PDE7A: variants seen among roughly 807,000 people sequenced by gnomAD.
PDE7A encodes phosphodiesterase 7A.
Under a neutral mutation model 64.3 loss-of-function variants are expected in PDE7A, and 39 were observed. That is an observed-to-expected ratio of 0.61 (90% CI 0.47 to 0.79). PDE7A has a LOEUF of 0.79. PDE7A is among the 30% of genes least tolerant of loss of function. The pLI, the probability that PDE7A is intolerant of heterozygous loss-of-function variation, is 0.00. For missense variants in PDE7A, 470 were observed against 582.8 expected, an observed-to-expected ratio of 0.81 and a Z score of 1.99; for synonymous variants, 203 against 206.8, an observed-to-expected ratio of 0.98 and a Z score of 0.16.
At position 65,717,291 on chromosome 8, in the gene PDE7A, G is replaced by A. The variant is rs1262224571; in HGVS notation, c.*1999C>T. ...TGGACCTGGGAAGATATAGGGAATG[G>A]CACAGTGGTACCTTGTTTACAACTG... On this transcript the variant is annotated 3_prime_UTR_variant, in exon 13 of 13. Coordinates refer to ENST00000401827, the MANE Select transcript of PDE7A (RefSeq NM_001242318.3). Among the ~76,000 whole-genome samples, 1 of 152,200 alleles carries A rather than the reference G, an allele frequency of 6.6e-6. No individual in the cohort carries two copies.
rs1319317702 is a variant in PDE7A, at chr8:65,841,520, G to A, written c.-12C>T. 1 of 1,470,602 alleles carries A rather than the reference G, an allele frequency of 6.8e-7. No individual in the cohort carries two copies. The highest frequency in any genetic ancestry group is 9.0e-7 in the Non-Finnish European group (1 of 1,115,954). The allele number at this position is 1,470,602 out of a possible 1,614,324, so 91.1% of individuals were successfully genotyped here. ...TAACACACTTCCATTGAATACGCCC[G>A]CCCTGCCTCCGCGCGGCGCCCGCCC... On this transcript the variant is annotated 5_prime_UTR_variant, in exon 1 of 13. Transcript: ENST00000401827.
At chr8:65,747,516 A>G (rs1268991314) in intron 4 of PDE7A, 136 bp downstream of exon 4, 4 of 510,794 alleles carry the variant, frequency 7.8e-6, no homozygotes, top group Admixed American at 4.0e-5. Flanking sequence ...GCTCTAAAGA[A>G]AAAAACCTGG....
chr8:65,735,241 C>T (rs996185586), intron 6 of PDE7A, among the ~76,000 whole-genome samples: 7 of 152,084 alleles, frequency 4.6e-5, no homozygotes, highest in South Asian at 2.1e-4. Flanking sequence ...GCCGAGTGAG[C>T]GGGACAGACC....
intron 1 of PDE7A, among the ~76,000 whole-genome samples, chr8:65,804,599 G>A (rs1054583188): frequency 8.2e-5 from 12 of 146,524 alleles, no homozygotes; most frequent in Non-Finnish European, 1.0e-4. Flanking sequence ...GTGCAGTGGC[G>A]CAACATCAGC....
At chr8:65,743,137 T>C (rs970433041) in intron 5 of PDE7A, among the ~76,000 whole-genome samples, 1 of 152,272 alleles carries the variant, frequency 6.6e-6, no homozygotes, top group South Asian at 2.1e-4. Context: ...TGAGAGTTTA[T>C]GTAAGGCTAA....
intron 3 of PDE7A, among the ~76,000 whole-genome samples, chr8:65,757,645 G>C (rs1563491483): frequency 6.6e-6 from 1 of 152,110 alleles, no homozygotes; most frequent in Non-Finnish European, 1.5e-5. Context: ...TTAAGACTGA[G>C]TCTCGCTCTG....
chr8:65,749,830 ATTGT>A (rs1807853035), intron 3 of PDE7A, among the ~76,000 whole-genome samples: 1 of 152,216 alleles, frequency 6.6e-6, no homozygotes. Flanking sequence ...TTTCTACAGT[ATTGT>A]TTATTTACTG....
chr8:65,806,094 A>G (rs1810101323), intron 1 of PDE7A, among the ~76,000 whole-genome samples: 2 of 152,228 alleles, frequency 1.3e-5, no homozygotes, highest in South Asian at 4.1e-4. Context: ...AGCATTGTTT[A>G]TAATAGTGAA....
intron 1 of PDE7A, among the ~76,000 whole-genome samples, chr8:65,805,019 T>A (rs185436485): frequency 4.6e-5 from 7 of 151,856 alleles, no homozygotes; most frequent in African/African-American, 7.2e-5. Flanking sequence ...TTTGAAAAAA[T>A]TTTTGGTAGA....
Position 65,735,087 on chromosome 8 carries a change from T to C in PDE7A, c.596-193A>G, listed in dbSNP as rs571106937. Among the ~76,000 whole-genome samples, 3 of 152,326 alleles carry C rather than the reference T, an allele frequency of 2.0e-5. No homozygotes were observed. The South Asian group carries it at 6.2e-4, about 32-fold the overall frequency. ...AAGAATCAATATCAATTTGACTCTC[T>C]ATGCTATCATGGACGAACAGACTAG... On this transcript the variant is annotated intron_variant, in intron 6 of 12. Transcript: ENST00000401827.
At chr8:65,781,128 C>T (rs886432453) in intron 2 of PDE7A, among the ~76,000 whole-genome samples, 4 of 151,936 alleles carry the variant, frequency 2.6e-5, no homozygotes, top group African/African-American at 4.8e-5. Flanking sequence ...AGAGGAATGG[C>T]GAGAGAGGAG....
At chr8:65,729,364 CTTTTTTT>C (rs10540107) in intron 7 of PDE7A, among the ~76,000 whole-genome samples, 6 of 80,078 alleles carry the variant, frequency 7.5e-5, no homozygotes, top group East Asian at 3.8e-4. Context: ...TTGGTGGTAG[CTTTTTTT>C]TTTTTTTTTT....
chr8:65,828,382 AGTT>A (rs1168156822), intron 1 of PDE7A, among the ~76,000 whole-genome samples: 1 of 152,098 alleles, frequency 6.6e-6, no homozygotes, highest in Non-Finnish European at 1.5e-5. Flanking sequence ...TTTCCCCCAA[AGTT>A]GTTATGTGTA....
At chr8:65,779,882 T>G in intron 2 of PDE7A, 79 bp from the exon 3 acceptor site, 1 of 801,928 alleles carries the variant, frequency 1.2e-6, no homozygotes, top group Non-Finnish European at 2.1e-6. Flanking sequence ...CAAAGGTCCG[T>G]GTGGTATCAT....
At chr8:65,810,435 A>G (rs1189452513) in intron 1 of PDE7A, among the ~76,000 whole-genome samples, 1 of 152,226 alleles carries the variant, frequency 6.6e-6, no homozygotes, top group Admixed American at 6.5e-5. Flanking sequence ...AACACAGCAC[A>G]TGTATACATA....
intron 2 of PDE7A, among the ~76,000 whole-genome samples, chr8:65,781,706 C>T (rs1809424533): frequency 6.6e-6 from 1 of 152,144 alleles, no homozygotes; most frequent in Admixed American, 6.5e-5. Flanking sequence ...CTGCAGAACA[C>T]AGACATGGGG....
At chr8:65,828,983 G>T (rs1810744572) in intron 1 of PDE7A, among the ~76,000 whole-genome samples, 1 of 151,934 alleles carries the variant, frequency 6.6e-6, no homozygotes, top group Non-Finnish European at 1.5e-5. Context: ...GTATTTGATT[G>T]TATTATCCTT....
chr8:65,727,193 G>A lies in PDE7A; in HGVS notation c.805C>T (p.His269Tyr), dbSNP rs1226769052. 3 of 1,607,246 alleles carry A rather than the reference G, an allele frequency of 1.9e-6. No individual in the cohort carries two copies. Among genetic ancestry groups the A allele is most frequent in the Non-Finnish European group, 2.6e-6 (3 of 1,174,086 alleles). Residue 269 changes from histidine (H) to tyrosine (Y), a missense_variant, in exon 8 of 13, where the codon CAT (histidine) becomes TAT (tyrosine). Physicochemically the swap from His to Tyr is moderately conservative, Grantham distance 83. Transcript: ENST00000401827. ...ACCTTGTATAAAGTTGCCAAGTAAT[G>A]GTTAGTTTTAATAAGGAAAGGTTGA... is the stretch of plus-strand genomic sequence containing the variant. ...VNQPFLIKTN[H>Y]YLATLYKNTS...
intron 1 of PDE7A, among the ~76,000 whole-genome samples, chr8:65,836,910 C>T (rs777558824): frequency 6.6e-6 from 1 of 152,160 alleles, no homozygotes; most frequent in Non-Finnish European, 1.5e-5. Context: ...CCTCCTTCCT[C>T]CTCCCCCTAC....
Sources: allele counts gnomAD v4.1 joint callset (sites outside exome capture counted in the v4.1 genomes callset), GRCh38; gene constraint gnomAD v4.1.1; transcripts MANE v1.5; gene names NCBI Gene and HGNC (gene_info 2026-07-23, HGNC 2026-07-21).